Variants in SKI observed in about 807,000 individuals in gnomAD.
The protein encoded by SKI is ski oncogene.
Under a neutral mutation model 59.3 loss-of-function variants are expected in SKI, and 23 were observed. The observed-to-expected ratio is 0.39, with a 90% CI of 0.28 to 0.55. The LOEUF is 0.55. SKI is among the 20% of genes least tolerant of loss of function. SKI has a pLI of 0.67. For missense variants in SKI, 1,017 were observed against 1,038.9 expected, an observed-to-expected ratio of 0.98 and a Z score of 0.29; for synonymous variants, 673 against 488.6, an observed-to-expected ratio of 1.38 and a Z score of -4.98.
chr1:2,246,352 C>T (rs186100282), intron 1 of SKI, among the ~76,000 whole-genome samples: 1 of 152,210 alleles, frequency 6.6e-6, no homozygotes, highest in African/African-American at 2.4e-5. Flanking sequence ...TGTCTGAGTC[C>T]CTCTTTGAGT....
At chr1:2,284,060 C>A (rs1010420161) in intron 1 of SKI, among the ~76,000 whole-genome samples, 11 of 152,216 alleles carry the variant, frequency 7.2e-5, no homozygotes, top group African/African-American at 1.4e-4. Flanking sequence ...CTCATGGAGA[C>A]CCTGTCCTCC....
chr1:2,274,307 C>G (rs1639694799), intron 1 of SKI, among the ~76,000 whole-genome samples: 2 of 152,172 alleles, frequency 1.3e-5, no homozygotes, highest in African/African-American at 4.8e-5. Context: ...CTTGGCCCTT[C>G]CCAGGCTTGG....
chr1:2,282,435 CGGT>C (rs1639911071), intron 1 of SKI, among the ~76,000 whole-genome samples: 1 of 88,832 alleles, frequency 1.1e-5, no homozygotes, highest in African/African-American at 4.5e-5. Context: ...AGAAGACAGG[CGGT>C]GGCGGAGATC....
chr1:2,286,013 AC>A (rs1640033732), intron 1 of SKI, among the ~76,000 whole-genome samples: 1 of 151,408 alleles, frequency 6.6e-6, no homozygotes, highest in African/African-American at 2.4e-5. Flanking sequence ...AGCTGGGACT[AC>A]AGGCACGCAC....
At chr1:2,274,427 G>A (rs986842928) in intron 1 of SKI, among the ~76,000 whole-genome samples, 2 of 151,994 alleles carry the variant, frequency 1.3e-5, no homozygotes, top group Non-Finnish European at 2.9e-5. Context: ...GCAGTTCCCC[G>A]TGGGCGCCGA....
At chr1:2,232,525 AT>A (rs1638661061) in intron 1 of SKI, 1 of 152,266 alleles carries the variant, frequency 6.6e-6, no homozygotes, top group Admixed American at 6.5e-5. Context: ...CAGTGGCAGC[AT>A]GAGGGGCAGA....
In SKI at chr1:2,267,335, GGTTT is replaced by G. The variant is rs1639521192; in HGVS notation, c.970-35636_970-35633del. 6.6e-6 allele frequency among the ~76,000 whole-genome samples: 1 copy of G among 152,180 alleles called. No homozygotes were observed. Among genetic ancestry groups the G allele is most frequent in the South Asian group, 2.1e-4 (1 of 4,826 alleles). On this transcript the variant is annotated intron_variant, in intron 1 of 6. Coordinates refer to ENST00000378536, the MANE Select transcript of SKI (RefSeq NM_003036.4). This position sits in a 1 kb window ranked among gnomAD's most constrained non-coding sequence, Gnocchi z 4.1. ...TGCGCGGGCTGCGGTGGAGTTCTGG[GGTTT>G]GTTTGTGGGCATTTCCAGGTAGTCT...
chr1:2,296,391 G>A (rs1640284915), intron 1 of SKI, among the ~76,000 whole-genome samples: 1 of 152,062 alleles, frequency 6.6e-6, no homozygotes, highest in South Asian at 2.1e-4. Flanking sequence ...GCAAGACTCC[G>A]TCTCAAAAAC....
In SKI at chr1:2,254,390, G is replaced by A. The variant is rs567062660; in HGVS notation, c.969+24655G>A. ...ACTCTGCTGCACTGAGATCTCCAGC[G>A]TGACATGTCCCCGTCCCAAACAGCC... On this transcript the variant is annotated intron_variant, in intron 1 of 6. Coordinates refer to ENST00000378536, the MANE Select transcript of SKI (RefSeq NM_003036.4). Among the ~76,000 whole-genome samples the A allele has an allele frequency of 3.9e-5, 6 of 152,302 alleles. No homozygotes were observed. In the South Asian group the frequency reaches 6.2e-4, roughly 16 times the overall value.
intron 1 of SKI, among the ~76,000 whole-genome samples, chr1:2,256,390 CT>C: frequency 6.6e-6 from 1 of 152,330 alleles, no homozygotes; most frequent in South Asian, 2.1e-4. Flanking sequence ...TTTTTACTCC[CT>C]TGCTTGGTTT....
Position 2,268,611 on chromosome 1 carries a change from G to A in SKI, c.970-34367G>A, listed in dbSNP as rs1485168588. Among the ~76,000 whole-genome samples the A allele has an allele frequency of 2.0e-5, 3 of 152,224 alleles. No individual in the cohort carries two copies. Among genetic ancestry groups the A allele is most frequent in the Non-Finnish European group, 2.9e-5 (2 of 68,038 alleles). Reference sequence around the variant, plus strand: ...GTGAATTTTCTTGGCTGGCTTGACAGGTCCCCCTTTCCCTCACCATGGAGT... The same window carrying A: ...GTGAATTTTCTTGGCTGGCTTGACAAGTCCCCCTTTCCCTCACCATGGAGT... On this transcript the variant is annotated intron_variant, in intron 1 of 6. Transcript: ENST00000378536. The surrounding 1 kb of genome is among the most constrained non-coding windows in gnomAD (Gnocchi z 5.0).
In SKI at chr1:2,229,206, A is replaced by C; in HGVS notation, c.440A>C (p.His147Pro). The change falls in exon 1 of 7, where the codon CAC (histidine) becomes CCC (proline). Residue 147 changes from histidine (H) to proline (P), a missense_variant. His to Pro is a moderately conservative substitution (Grantham distance 77). Coordinates refer to ENST00000378536, the MANE Select transcript of SKI (RefSeq NM_003036.4). The surrounding 1 kb of genome is among the most constrained non-coding windows in gnomAD (Gnocchi z 6.3). Reference protein sequence around the residue: ...QQINAVCDELHIYCSRCTADQ... With the variant: ...QQINAVCDELPIYCSRCTADQ... ...ATCAACGCGGTGTGCGACGAGCTCC[A>C]CATCTACTGCTCGCGCTGCACGGCC... is the stretch of plus-strand genomic sequence containing the variant. The C allele has an allele frequency of 6.2e-7, 1 of 1,610,100 alleles. No individual in the cohort carries two copies. Among genetic ancestry groups the C allele is most frequent in the Non-Finnish European group, 8.5e-7 (1 of 1,178,790 alleles).
intron 1 of SKI, among the ~76,000 whole-genome samples, chr1:2,236,620 T>C (rs1249996440): frequency 6.6e-6 from 1 of 152,210 alleles, no homozygotes; most frequent in African/African-American, 2.4e-5. Context: ...TTGGCCAGGA[T>C]GGTCTCCATC....
At chr1:2,237,378 C>G (rs1009500741) in intron 1 of SKI, among the ~76,000 whole-genome samples, 2 of 152,174 alleles carry the variant, frequency 1.3e-5, no homozygotes, top group African/African-American at 2.4e-5. Context: ...GCGGCTGTGC[C>G]GGTGGTTTCC....
intron 1 of SKI, among the ~76,000 whole-genome samples, chr1:2,230,230 C>T (rs952620549): frequency 3.3e-5 from 5 of 152,374 alleles, no homozygotes; most frequent in African/African-American, 1.2e-4. Context: ...GGAGACAGAG[C>T]TTGGGTGAGG....
intron 1 of SKI, among the ~76,000 whole-genome samples, chr1:2,284,869 C>T (rs919306683): frequency 3.3e-5 from 5 of 152,226 alleles, no homozygotes; most frequent in Admixed American, 6.5e-5. Context: ...GAGGGTCTGA[C>T]CCTGCTCCGC....
At chr1:2,293,461 C>T (rs942491683) in intron 1 of SKI, among the ~76,000 whole-genome samples, 12 of 150,046 alleles carry the variant, frequency 8.0e-5, no homozygotes, top group South Asian at 2.1e-4. Flanking sequence ...TCTCCTGCGT[C>T]GCCCTCTCCT....
chr1:2,228,888 GCT>G lies in SKI; in HGVS notation c.123_124del (p.Trp42GlyfsTer187). The G allele has an allele frequency of 7.0e-7, 1 of 1,425,240 alleles. No homozygotes were observed. Among genetic ancestry groups the G allele is most frequent in the Non-Finnish European group, 9.2e-7 (1 of 1,085,146 alleles). 88.3% of individuals were successfully genotyped at this position (1,425,240 alleles called of 1,614,324 possible). A position where few individuals can be genotyped will look rare whatever the true frequency, so the allele number is the denominator to read the frequency against. ...GGCGGCCCGGCCGCTTTCTCGGCGC[GCT>G]GGGCGCAGGAGGCCTACAAGAAGGA... On this transcript the variant is annotated frameshift_variant, in exon 1 of 7. Coordinates refer to ENST00000378536, the MANE Select transcript of SKI (RefSeq NM_003036.4). LOFTEE classifies it high-confidence loss of function.
intron 5 of SKI, 58 bp downstream of exon 5, chr1:2,304,643 A>G: frequency 1.3e-6 from 2 of 1,497,768 alleles, no homozygotes; most frequent in Non-Finnish European, 1.8e-6. Context: ...CACAGCCTGC[A>G]CCAGGTGAAC....
Sources: gnomAD v4.1 joint callset for allele counts (sites outside exome capture counted in the v4.1 genomes callset) on GRCh38, gnomAD v4.1.1 for gene constraint, Gnocchi (gnomAD v3.1) non-coding constraint, MANE v1.5 for transcripts, NCBI Gene and HGNC (gene_info 2026-07-23, HGNC 2026-07-21) for gene names.